The following KIF26B variants were observed in gnomAD, a reference collection of about 807,000 sequenced individuals.
KIF26B encodes kinesin-like protein KIF26B.
A neutral mutation model predicts 151.2 loss-of-function variants in KIF26B; 63 were observed. The observed-to-expected ratio is 0.42, with a 90% CI of 0.34 to 0.51. The LOEUF (loss-of-function observed/expected upper bound fraction) is 0.51. KIF26B is among the 20% of genes least tolerant of loss of function. KIF26B has a pLI of 0.07. For missense variants in KIF26B, 2,813 were observed against 2,913.6 expected (o/e 0.97, Z 0.79); for synonymous variants, 1,357 against 1,262.1 (o/e 1.08, Z -1.59).
rs1287104759 is a variant in KIF26B at position 245,708,224 on chromosome 1, G to GGA, written c.*5622_*5623dup. 2 of 152,178 alleles carry GGA rather than the reference G, an allele frequency of 1.3e-5. No homozygotes were observed. The highest frequency in any genetic ancestry group is 4.8e-5 in the African/African-American group (2 of 41,434). 9.4% of individuals were successfully genotyped at this position (152,178 alleles called of 1,614,324 possible). On this transcript the variant is annotated 3_prime_UTR_variant, in exon 15 of 15. Coordinates refer to ENST00000407071, the MANE Select transcript of KIF26B (RefSeq NM_018012.4). ...GGGGGTCAGAACAGCTGCCCTTCTG[G>GGA]GAGAGCATCAAGAGAAAGTGGTATA...
chr1:245,325,876 GA>G (rs1042974520), intron 2 of KIF26B, among the ~76,000 whole-genome samples: 5 of 152,140 alleles, frequency 3.3e-5, no homozygotes, highest in Non-Finnish European at 7.3e-5. Context: ...TTTCTGATTG[GA>G]ACTACTGTTG....
At chr1:245,491,922 T>G (rs1660416595) in intron 4 of KIF26B, among the ~76,000 whole-genome samples, 1 of 149,680 alleles carries the variant, frequency 6.7e-6, no homozygotes, top group East Asian at 2.0e-4. Flanking sequence ...AAAAAAAAAA[T>G]CTGGTAAACT....
intron 4 of KIF26B, among the ~76,000 whole-genome samples, chr1:245,473,491 T>C (rs1659958069): frequency 6.8e-6 from 1 of 147,272 alleles, no homozygotes; most frequent in African/African-American, 2.4e-5. Flanking sequence ...GGCTGAATTC[T>C]ATATTCTGCA....
intron 5 of KIF26B, among the ~76,000 whole-genome samples, chr1:245,558,078 G>A (rs751618984): frequency 5.9e-5 from 9 of 152,142 alleles, no homozygotes; most frequent in Non-Finnish European, 1.2e-4. Context: ...CTACAGCCTC[G>A]TAGATTTCTC....
chr1:245,334,093 G>C (rs367843023), intron 2 of KIF26B, among the ~76,000 whole-genome samples: 33 of 152,286 alleles, frequency 2.2e-4, no homozygotes, highest in East Asian at 1.3e-3. Context: ...GAAAAGTTCA[G>C]TCATCTTCTG....
intron 9 of KIF26B, among the ~76,000 whole-genome samples, chr1:245,631,125 T>C (rs2043777388): frequency 6.6e-6 from 1 of 152,226 alleles, no homozygotes; most frequent in Non-Finnish European, 1.5e-5. Context: ...TTTCTTTCTC[T>C]TGCCTAATTG....
chr1:245,273,487 T>C (rs932847952), intron 2 of KIF26B, among the ~76,000 whole-genome samples: 12 of 151,930 alleles, frequency 7.9e-5, no homozygotes, highest in African/African-American at 2.9e-4. Context: ...ACTATTGTTG[T>C]GTTGCTTCCT....
chr1:245,661,119 C>T (rs1432726640), intron 10 of KIF26B, among the ~76,000 whole-genome samples: 4 of 151,644 alleles, frequency 2.6e-5, no homozygotes, highest in African/African-American at 7.3e-5. Flanking sequence ...CCCGAGTAGC[C>T]GGGATTATTT....
chr1:245,557,514 A>G (rs1662068564), intron 5 of KIF26B, among the ~76,000 whole-genome samples: 2 of 152,206 alleles, frequency 1.3e-5, no homozygotes, highest in South Asian at 4.1e-4. Flanking sequence ...GTGAGGCTCC[A>G]ATAACTGTGC....
In KIF26B at chr1:245,702,709, G is replaced by A; in HGVS notation, c.*103G>A. ...CTGGGGCATCAAAGACAATGAATGAGGATGAAGGTTGGTGGCAAGTCTGGA... is the reference window on the plus strand; with the variant it reads ...CTGGGGCATCAAAGACAATGAATGAAGATGAAGGTTGGTGGCAAGTCTGGA... On this transcript the variant is annotated 3_prime_UTR_variant, in exon 15 of 15. Coordinates refer to ENST00000407071, the MANE Select transcript of KIF26B (RefSeq NM_018012.4). The surrounding 1 kb of genome is among the most constrained non-coding windows in gnomAD (Gnocchi z 4.1). 4 of 1,327,744 alleles carry A rather than the reference G, an allele frequency of 3.0e-6. No homozygotes were observed. In the South Asian group the frequency reaches 4.9e-5, roughly 16 times the overall value. The allele number at this position is 1,327,744 out of a possible 1,614,324, so 82.2% of individuals were successfully genotyped here.
At chr1:245,671,001 T>TACCTTTCCCAGC (rs2044279985) in intron 10 of KIF26B, among the ~76,000 whole-genome samples, 1 of 152,202 alleles carries the variant, frequency 6.6e-6, no homozygotes, top group Non-Finnish European at 1.5e-5. Context: ...ACTCTCCCAA[T>TACCTTTCCCAGC]ACCTTTCCCA....
At chr1:245,266,739 T>C (rs974843736) in intron 2 of KIF26B, among the ~76,000 whole-genome samples, 1 of 152,128 alleles carries the variant, frequency 6.6e-6, no homozygotes, top group African/African-American at 2.4e-5. Flanking sequence ...ACTCCTGACC[T>C]TGTGATCCAC....
At chr1:245,668,766 C>T (rs867289681) in intron 10 of KIF26B, among the ~76,000 whole-genome samples, 82 of 152,066 alleles carry the variant, frequency 5.4e-4, no homozygotes, top group African/African-American at 1.9e-3. Flanking sequence ...CTTGGCTTAC[C>T]GCAACCTCTG....
chr1:245,685,872 C>T lies in KIF26B; in HGVS notation c.2889C>T (p.Pro963=), dbSNP rs745734889. The change falls in exon 12 of 15, where the codon CCC becomes CCT. Residue 963 remains proline, a synonymous_variant. Coordinates refer to ENST00000407071, the MANE Select transcript of KIF26B (RefSeq NM_018012.4). ...QFGPEQASRG[P]RLSQAAGASP... ...GGCCAGAGCAGGCAAGCAGAGGCCC[C>T]CGGTTAAGCCAAGCAGCGGGGGCAA... The T allele has an allele frequency of 8.1e-6, 13 of 1,612,848 alleles. No individual in the cohort carries two copies. The Middle Eastern group carries it at 4.9e-4, about 61-fold the overall frequency.
At chr1:245,385,995 G>T (rs1364175531) in intron 3 of KIF26B, among the ~76,000 whole-genome samples, 1 of 152,142 alleles carries the variant, frequency 6.6e-6, no homozygotes, top group East Asian at 1.9e-4. Context: ...CCGGTGCAGA[G>T]AAAGCCGAAA....
intron 2 of KIF26B, among the ~76,000 whole-genome samples, chr1:245,209,914 A>G (rs1669480410): frequency 6.6e-6 from 1 of 152,240 alleles, no homozygotes. Context: ...CTTACTGGAA[A>G]CTACACCCGT....
At chr1:245,316,703 G>A (rs1481110307) in intron 2 of KIF26B, among the ~76,000 whole-genome samples, 1 of 152,158 alleles carries the variant, frequency 6.6e-6, no homozygotes, top group East Asian at 1.9e-4. Flanking sequence ...TCACCACCCA[G>A]TAGTGTCCTT....
chr1:245,556,339 CT>C (rs1662034942), intron 5 of KIF26B, among the ~76,000 whole-genome samples: 1 of 134,180 alleles, frequency 7.5e-6, no homozygotes, highest in African/African-American at 2.9e-5. Context: ...CTTCTTCCTC[CT>C]TCCTCCCTCC....
At chr1:245,638,718 C>G (rs563759269) in intron 9 of KIF26B, among the ~76,000 whole-genome samples, 11 of 151,926 alleles carry the variant, frequency 7.2e-5, no homozygotes, top group African/African-American at 2.6e-4. Flanking sequence ...TTACTGACTA[C>G]CTTTCCAGCA....
Sources: gnomAD v4.1 joint callset for allele counts (sites outside exome capture counted in the v4.1 genomes callset) on GRCh38, gnomAD v4.1.1 for gene constraint, Gnocchi (gnomAD v3.1) non-coding constraint, MANE v1.5 for transcripts, NCBI Gene and HGNC (gene_info 2026-07-23, HGNC 2026-07-21) for gene names.